The following MAPK10 variants were observed in gnomAD, a reference collection of about 807,000 sequenced individuals.
MAPK10 encodes the protein JNK3 alpha protein kinase.
A neutral mutation model predicts 59.3 loss-of-function variants in MAPK10; 25 were observed. The observed-to-expected ratio is 0.42, with a 90% confidence interval of 0.31 to 0.59. The LOEUF is 0.59. MAPK10 is among the 20% of genes least tolerant of loss of function. MAPK10 has a pLI of 0.15. For synonymous variants in MAPK10, 190 were observed against 200.5 expected (o/e 0.95, Z 0.44); for missense variants, 351 against 568.9 (o/e 0.62, Z 3.90).
intron 4 of MAPK10, among the ~76,000 whole-genome samples, chr4:86,154,923 T>C (rs1315438823): frequency 6.6e-6 from 1 of 152,078 alleles, no homozygotes. Flanking sequence ...GCAAGAAATA[T>C]ATATTAAATA....
chr4:86,163,283 T>C (rs1391345145), intron 3 of MAPK10, among the ~76,000 whole-genome samples: 2 of 152,140 alleles, frequency 1.3e-5, no homozygotes, highest in Admixed American at 1.3e-4. Flanking sequence ...CAAATCTAAA[T>C]TGAGTTTTGA....
intron 2 of MAPK10, among the ~76,000 whole-genome samples, chr4:86,341,311 T>G (rs561008341): frequency 6.6e-6 from 1 of 152,280 alleles, no homozygotes; most frequent in Non-Finnish European, 1.5e-5. Context: ...ACCAAGGGCT[T>G]GGTGTATGTT....
intron 2 of MAPK10, among the ~76,000 whole-genome samples, chr4:86,261,713 C>T (rs566462068): frequency 6.6e-6 from 1 of 152,126 alleles, no homozygotes; most frequent in Non-Finnish European, 1.5e-5. Context: ...CTGGACATGC[C>T]TTTTTCAGAG....
At position 86,016,884 on chromosome 4, in the gene MAPK10, T is replaced by TA. The variant is rs1477026909; in HGVS notation, c.*343dup. 1.1e-4 allele frequency: 27 copies of TA among 235,546 alleles called. No homozygotes were observed. The highest frequency in any genetic ancestry group is 2.2e-4 in the Non-Finnish European group (26 of 117,754). 14.6% of individuals were successfully genotyped at this position (235,546 alleles called of 1,614,324 possible). A position where few individuals can be genotyped will look rare whatever the true frequency, so the allele number is the denominator to read the frequency against. Reference sequence around the variant, plus strand: ...CCACTGCACACCTTGTCATGCCATTTAAAAGGGCAGTTACAGGTTGCCGGT... The same window carrying TA: ...CCACTGCACACCTTGTCATGCCATTTAAAAAGGGCAGTTACAGGTTGCCGGT... On this transcript the variant is annotated 3_prime_UTR_variant, in exon 14 of 14. Coordinates refer to ENST00000641462, the MANE Select transcript of MAPK10 (RefSeq NM_138982.4).
intron 2 of MAPK10, chr4:86,308,624 A>C (rs1198211330): frequency 6.6e-6 from 1 of 152,186 alleles, no homozygotes; most frequent in African/African-American, 2.4e-5. Flanking sequence ...GTCCATTTAG[A>C]TGCATCTATC....
At chr4:86,337,557 G>A (rs1166243730) in intron 2 of MAPK10, among the ~76,000 whole-genome samples, 1 of 152,190 alleles carries the variant, frequency 6.6e-6, no homozygotes, top group Non-Finnish European at 1.5e-5. Context: ...CAAAATGGTA[G>A]ACATCTGCAC....
chr4:86,556,839 G>A (rs987284901), intron 1 of MAPK10, among the ~76,000 whole-genome samples: 1 of 152,092 alleles, frequency 6.6e-6, no homozygotes, highest in African/African-American at 2.4e-5. Flanking sequence ...TGTGAAAAAT[G>A]AGAACCATTT....
chr4:86,188,662 C>T (rs1321537453), intron 3 of MAPK10, among the ~76,000 whole-genome samples: 1 of 152,012 alleles, frequency 6.6e-6, no homozygotes, highest in African/African-American at 2.4e-5. Flanking sequence ...CAGATGGATA[C>T]ATTGCAAAAA....
chr4:86,150,677 C>T (rs1183397825), intron 4 of MAPK10, among the ~76,000 whole-genome samples: 3 of 152,000 alleles, frequency 2.0e-5, no homozygotes, highest in Admixed American at 6.5e-5. Context: ...CTGGCTAACA[C>T]GGTGAAACCC....
chr4:86,021,782 T>C (rs1030746116), intron 13 of MAPK10, among the ~76,000 whole-genome samples: 1 of 152,156 alleles, frequency 6.6e-6, no homozygotes, highest in Non-Finnish European at 1.5e-5. Context: ...CGGCGAGAAA[T>C]CGAGCACAGC....
rs546566574 is a variant in MAPK10, at chr4:86,289,672, T to C, written c.-7+64858A>G. On this transcript the variant is annotated intron_variant, in intron 2 of 13. Coordinates refer to ENST00000641462, the MANE Select transcript of MAPK10 (RefSeq NM_138982.4). ...ATGTATGTTATAATGCATTTTATAATTATAATATATAATAGTGCTATATCT... is the reference window on the plus strand; with the variant it reads ...ATGTATGTTATAATGCATTTTATAACTATAATATATAATAGTGCTATATCT... Among the ~76,000 whole-genome samples, 4 of 150,582 alleles carry C rather than the reference T, an allele frequency of 2.7e-5. No individual in the cohort carries two copies. In the South Asian group the frequency reaches 8.3e-4, roughly 31 times the overall value.
intron 2 of MAPK10, among the ~76,000 whole-genome samples, chr4:86,289,174 A>G (rs917084739): frequency 6.6e-6 from 1 of 152,160 alleles, no homozygotes; most frequent in Non-Finnish European, 1.5e-5. Context: ...AGGCAGAAAG[A>G]ACACCTAGAG....
Position 86,326,440 on chromosome 4 carries a change from C to G in MAPK10, c.-7+28090G>C, listed in dbSNP as rs2096024126. On this transcript the variant is annotated intron_variant, in intron 2 of 13. Coordinates refer to ENST00000641462, the MANE Select transcript of MAPK10 (RefSeq NM_138982.4). ...AATAGGGAAGGAATTGCAATGGCTTCCCTGAGAGATGGTAAGGGTCTGAGC... is the reference window on the plus strand; with the variant it reads ...AATAGGGAAGGAATTGCAATGGCTTGCCTGAGAGATGGTAAGGGTCTGAGC... The G allele has an allele frequency of 2.0e-5, 3 of 152,138 alleles. No homozygotes were observed. In the South Asian group the frequency reaches 6.2e-4, roughly 31 times the overall value. The allele number at this position is 152,138 out of a possible 1,614,324, so 9.4% of individuals were successfully genotyped here. A position where few individuals can be genotyped will look rare whatever the true frequency, so the allele number is the denominator to read the frequency against.
chr4:86,084,821 G>C (rs1422666367), intron 9 of MAPK10, among the ~76,000 whole-genome samples: 1 of 152,006 alleles, frequency 6.6e-6, no homozygotes, highest in East Asian at 1.9e-4. Flanking sequence ...CAAAATTGGA[G>C]GAAATCACAT....
intron 1 of MAPK10, among the ~76,000 whole-genome samples, chr4:86,533,254 GA>G (rs1316808425): frequency 6.6e-6 from 1 of 152,132 alleles, no homozygotes; most frequent in Non-Finnish European, 1.5e-5. Flanking sequence ...AAAAGGGGGG[GA>G]AAATGAAGAG....
chr4:86,410,143 C>G (rs1435302154), intron 1 of MAPK10, among the ~76,000 whole-genome samples: 1 of 152,200 alleles, frequency 6.6e-6, no homozygotes, highest in Admixed American at 6.5e-5. Flanking sequence ...GCCTTTTCTG[C>G]ATCTATTGAG....
At chr4:86,314,541 T>C (rs2869423) in intron 2 of MAPK10, among the ~76,000 whole-genome samples, 46,235 of 152,012 alleles carry the variant, frequency 0.3, 7,480 homozygotes, top group Non-Finnish European at 0.37. Context: ...GGTGGAGCTA[T>C]AAGTCCAATT....
At chr4:86,324,703 G>A (rs193203445) in intron 2 of MAPK10, among the ~76,000 whole-genome samples, 117 of 152,154 alleles carry the variant, frequency 7.7e-4, no homozygotes, top group African/African-American at 2.6e-3. Context: ...AAAATCCATC[G>A]AATAAATTCT....
intron 13 of MAPK10, 194 bp downstream of exon 13, chr4:86,029,003 C>T: frequency 1.5e-6 from 1 of 664,994 alleles, no homozygotes; most frequent in South Asian, 1.6e-5. Context: ...TGGATCATTA[C>T]CATCAGAATA....
Sources: gnomAD v4.1 joint callset for allele counts (sites outside exome capture counted in the v4.1 genomes callset) on GRCh38, gnomAD v4.1.1 for gene constraint, MANE v1.5 for transcripts, NCBI Gene and HGNC (gene_info 2026-07-23, HGNC 2026-07-21) for gene names.